INPP4B: variants seen among roughly 807,000 people sequenced by gnomAD.
INPP4B encodes the protein inositol polyphosphate-4-phosphatase type II B, also known as inositol polyphosphate 4-phosphatase type II.
INPP4B carries 55 observed loss-of-function variants against 122.5 expected under a neutral mutation model. The observed-to-expected ratio is 0.45, with a 90% confidence interval of 0.36 to 0.56. The LOEUF is 0.56. Ranked by LOEUF, INPP4B falls within the 20% of genes least tolerant of loss-of-function variation. INPP4B has a pLI of 0.00. For missense variants in INPP4B, 1,000 were observed against 1,097.7 expected (o/e 0.91, Z 1.26); for synonymous variants, 403 against 388.7 (o/e 1.04, Z -0.43).
chr4:142,198,797 A>G (rs1431291096), intron 14 of INPP4B, among the ~76,000 whole-genome samples: 1 of 152,110 alleles, frequency 6.6e-6, no homozygotes, highest in Admixed American at 6.5e-5. Flanking sequence ...GAATATAGAA[A>G]GTAAATGACA....
chr4:142,029,282 G>A (rs1738309240), intron 25 of INPP4B: 1 of 989,306 alleles, frequency 1.0e-6, no homozygotes. Context: ...AAATCTATAT[G>A]TAGCCCTAAG....
intron 2 of INPP4B, among the ~76,000 whole-genome samples, chr4:142,517,326 C>A (rs1442491068): frequency 6.6e-6 from 1 of 151,986 alleles, no homozygotes; most frequent in Non-Finnish European, 1.5e-5. Context: ...CAGAGTTATT[C>A]ATGTTGGGTG....
intron 10 of INPP4B, among the ~76,000 whole-genome samples, chr4:142,266,669 T>G (rs1004167111): frequency 6.6e-6 from 1 of 152,132 alleles, no homozygotes; most frequent in African/African-American, 2.4e-5. Context: ...AAGATGTCCA[T>G]TCTCACCACT....
At chr4:142,037,756 T>C (rs1483010511) in intron 25 of INPP4B, among the ~76,000 whole-genome samples, 2 of 152,184 alleles carry the variant, frequency 1.3e-5, no homozygotes, top group Non-Finnish European at 2.9e-5. Flanking sequence ...TTTCAGGCCC[T>C]AGACTGTTGA....
At chr4:142,363,196 G>T (rs776336506) in intron 7 of INPP4B, among the ~76,000 whole-genome samples, 4 of 151,994 alleles carry the variant, frequency 2.6e-5, no homozygotes, top group Non-Finnish European at 5.9e-5. Context: ...ACGCACATAT[G>T]TGTGCATACA....
chr4:142,179,923 C>G (rs1830063847), intron 15 of INPP4B, among the ~76,000 whole-genome samples: 1 of 152,064 alleles, frequency 6.6e-6, no homozygotes, highest in Admixed American at 6.5e-5. Flanking sequence ...TTCATGTTGT[C>G]CCTATGGAGA....
chr4:142,203,285 A>G (rs555981299), intron 14 of INPP4B, among the ~76,000 whole-genome samples: 23 of 152,258 alleles, frequency 1.5e-4, no homozygotes, highest in African/African-American at 5.5e-4. Context: ...TTTTAGTACT[A>G]TAGATTACAA....
At chr4:142,767,102 A>G (rs1052400960) in intron 1 of INPP4B, among the ~76,000 whole-genome samples, 1 of 152,322 alleles carries the variant, frequency 6.6e-6, no homozygotes, top group Non-Finnish European at 1.5e-5. Context: ...TCCACTTTTC[A>G]CACTGCCTCT....
At position 142,720,809 on chromosome 4, in the gene INPP4B, C is replaced by CTATATA. The variant is rs70949184; in HGVS notation, c.-191+5024_-191+5029dup. On this transcript the variant is annotated intron_variant, in intron 2 of 25. Transcript: ENST00000262992. ...TCTCTCTCTCTCTCTCTCTCTCTCT[C>CTATATA]TATATATATATATATATATAGTTTT... Among the ~76,000 whole-genome samples the CTATATA allele has an allele frequency of 2.3e-3, 30 of 12,936 alleles. 1 individual carries two copies. The highest frequency in any genetic ancestry group is 0.018 in the East Asian group (2 of 114). 8.5% of individuals were successfully genotyped at this position (12,936 alleles called of 152,430 possible).
intron 2 of INPP4B, among the ~76,000 whole-genome samples, chr4:142,508,699 T>A (rs1377947917): frequency 6.6e-6 from 1 of 152,200 alleles, no homozygotes; most frequent in African/African-American, 2.4e-5. Flanking sequence ...GGCAAAATTA[T>A]CCAATAGCCT....
At position 142,318,622 on chromosome 4, in the gene INPP4B, C is replaced by T. The variant is rs28448750; in HGVS notation, c.373-3860G>A. Among the ~76,000 whole-genome samples, 560 of 152,226 alleles carry T rather than the reference C, an allele frequency of 3.7e-3. 1 individual carries two copies. Among genetic ancestry groups the T allele is most frequent in the African/African-American group, 0.013 (532 of 41,538 alleles). ...AAACATTCTTACAGCTTCCTTTTGT[C>T]TAGACTTTTATGATGTCAAATAAAG... On this transcript the variant is annotated intron_variant, in intron 7 of 25. Transcript: ENST00000262992.
Position 142,200,183 on chromosome 4 carries a change from T to C in INPP4B, c.1073-6988A>G, listed in dbSNP as rs188761606. ...ATTTCGTTAATGACTCAGTAATATC[T>C]TTTTGCTGTTCAGGTTGTGCCAACT... is the stretch of plus-strand genomic sequence containing the variant. On this transcript the variant is annotated intron_variant, in intron 14 of 25. Transcript: ENST00000262992. 2.6e-5 allele frequency among the ~76,000 whole-genome samples: 4 copies of C among 152,078 alleles called. No individual in the cohort carries two copies. In the East Asian group the frequency reaches 5.8e-4, roughly 22 times the overall value.
intron 8 of INPP4B, chr4:142,305,777 A>C: frequency 7.6e-7 from 1 of 1,323,168 alleles, no homozygotes. Context: ...GAAAATAACA[A>C]GAGGTAAAAT....
At chr4:142,465,240 C>CT (rs1219296337) in intron 2 of INPP4B, among the ~76,000 whole-genome samples, 10 of 151,490 alleles carry the variant, frequency 6.6e-5, no homozygotes, top group East Asian at 1.9e-4. Flanking sequence ...GTCTTTCAGA[C>CT]TTTTTTTTTG....
At chr4:142,615,512 T>A (rs1467483539) in intron 2 of INPP4B, among the ~76,000 whole-genome samples, 1 of 152,198 alleles carries the variant, frequency 6.6e-6, no homozygotes. Context: ...CAGAGTGACC[T>A]GTAGGGATGT....
chr4:142,140,319 T>C (rs2152824785), intron 18 of INPP4B, among the ~76,000 whole-genome samples: 1 of 152,314 alleles, frequency 6.6e-6, no homozygotes, highest in African/African-American at 2.4e-5. Context: ...GCATAGGATA[T>C]TTGGCCTTTT....
intron 2 of INPP4B, among the ~76,000 whole-genome samples, chr4:142,624,933 G>A (rs557287674): frequency 0.026 from 3,924 of 150,074 alleles, 53 homozygotes; most frequent in Non-Finnish European, 0.041. Context: ...ATTCAACAAC[G>A]CTTCATGCTA....
At chr4:142,295,769 C>T (rs1758440707) in intron 9 of INPP4B, among the ~76,000 whole-genome samples, 1 of 148,708 alleles carries the variant, frequency 6.7e-6, no homozygotes, top group Non-Finnish European at 1.5e-5. Context: ...TTTTAGAGGA[C>T]TTTCAAACTT....
intron 15 of INPP4B, among the ~76,000 whole-genome samples, chr4:142,179,068 A>G (rs2152969399): frequency 6.6e-6 from 1 of 152,288 alleles, no homozygotes; most frequent in African/African-American, 2.4e-5. Context: ...AGAATTAGAA[A>G]AAAACAAAAC....
Sources: gnomAD v4.1 joint callset for allele counts (sites outside exome capture counted in the v4.1 genomes callset) on GRCh38, gnomAD v4.1.1 for gene constraint, MANE v1.5 for transcripts, NCBI Gene and HGNC (gene_info 2026-07-23, HGNC 2026-07-21) for gene names.